ZNF536: variants seen among roughly 807,000 people sequenced by gnomAD.
The protein encoded by ZNF536 is zinc finger protein 536.
Under a neutral mutation model 84.5 loss-of-function variants are expected in ZNF536, and 13 were observed. That is an observed-to-expected ratio of 0.15 (90% CI 0.10 to 0.24). The LOEUF (loss-of-function observed/expected upper bound fraction) is 0.24. Ranked by LOEUF, ZNF536 falls within the 10% of genes least tolerant of loss-of-function variation. The pLI, the probability that ZNF536 is intolerant of heterozygous loss-of-function variation, is 1.00. For missense variants in ZNF536, 1,536 were observed against 1,747.5 expected (o/e 0.88, Z 2.16); for synonymous variants, 811 against 742.5 (o/e 1.09, Z -1.50).
At chr19:30,434,889 A>T (rs1433457179) in intron 1 of ZNF536, among the ~76,000 whole-genome samples, 1 of 138,336 alleles carries the variant, frequency 7.2e-6, no homozygotes, top group African/African-American at 2.8e-5. Flanking sequence ...GGTAGTGATG[A>T]TGCTGCTGAT....
chr19:30,611,650 G>C (rs1003004510), intron 1 of ZNF536, among the ~76,000 whole-genome samples: 1 of 152,034 alleles, frequency 6.6e-6, no homozygotes, highest in Non-Finnish European at 1.5e-5. Context: ...TTAGCTTTAG[G>C]GTTGGTGACA....
At chr19:30,461,700 C>T (rs1020837849) in intron 2 of ZNF536, among the ~76,000 whole-genome samples, 3 of 152,222 alleles carry the variant, frequency 2.0e-5, no homozygotes, top group South Asian at 2.1e-4. Context: ...TTGGGCTGCC[C>T]GGCTCTCCGC....
At chr19:30,286,504 CAGAG>C (rs927455289) in intron 2 of ZNF536, among the ~76,000 whole-genome samples, 4 of 146,690 alleles carry the variant, frequency 2.7e-5, no homozygotes, top group African/African-American at 1.0e-4. Flanking sequence ...GAGAGACAGA[CAGAG>C]AAAGAGAGAC....
intron 2 of ZNF536, among the ~76,000 whole-genome samples, chr19:30,303,385 G>A (rs1166253607): frequency 6.6e-6 from 1 of 152,246 alleles, no homozygotes; most frequent in Non-Finnish European, 1.5e-5. Context: ...GTGCAGGGCA[G>A]GGGCCTTGGC....
chr19:30,301,366 C>T (rs756990099), intron 2 of ZNF536, among the ~76,000 whole-genome samples: 9 of 152,170 alleles, frequency 5.9e-5, no homozygotes, highest in Non-Finnish European at 1.0e-4. Context: ...GGGGTAGCGG[C>T]GATGCGGACG....
Position 30,292,139 on chromosome 19 carries a change from C to A in ZNF536, c.-120+7998C>A, listed in dbSNP as rs532873283. Among the ~76,000 whole-genome samples, 3 of 152,210 alleles carry A rather than the reference C, an allele frequency of 2.0e-5. No individual in the cohort carries two copies. In the South Asian group the frequency reaches 6.2e-4, roughly 32 times the overall value. ...GTGTTATATGCTTTATCTGTTTAACCTCCTCTCTAATCCATTTTGCAGACA... is the reference window on the plus strand; with the variant it reads ...GTGTTATATGCTTTATCTGTTTAACATCCTCTCTAATCCATTTTGCAGACA... On this transcript the variant is annotated intron_variant, in intron 2 of 5. Transcript: ENST00000585628.
chr19:30,501,055 A>G (rs1234356065), intron 2 of ZNF536, among the ~76,000 whole-genome samples: 2 of 152,152 alleles, frequency 1.3e-5, no homozygotes, highest in Non-Finnish European at 2.9e-5. Flanking sequence ...CTGGGTACAG[A>G]GTCTCAAACC....
chr19:30,342,585 A>T (rs902470434), intron 2 of ZNF536, among the ~76,000 whole-genome samples: 1 of 152,364 alleles, frequency 6.6e-6, no homozygotes, highest in Admixed American at 6.5e-5. Flanking sequence ...TATGAAGCTA[A>T]CAGTAAAACC....
chr19:30,261,653 C>T (rs200607539), intron 1 of ZNF536, among the ~76,000 whole-genome samples: 3 of 142,724 alleles, frequency 2.1e-5, no homozygotes, highest in African/African-American at 5.2e-5. Flanking sequence ...GAGCTATGAT[C>T]GCACCACTGC....
At chr19:30,705,752 A>G (rs540909508) in intron 1 of ZNF536, among the ~76,000 whole-genome samples, 2 of 152,358 alleles carry the variant, frequency 1.3e-5, no homozygotes, top group South Asian at 2.1e-4. Flanking sequence ...CTAGCATTGT[A>G]TAGACTTCTT....
At chr19:30,471,661 C>G (rs984576060) in intron 2 of ZNF536, among the ~76,000 whole-genome samples, 2 of 152,190 alleles carry the variant, frequency 1.3e-5, no homozygotes, top group Non-Finnish European at 2.9e-5. Context: ...GTGGGCAAAA[C>G]AGTATCACGG....
chr19:30,278,077 A>T (rs552176291), intron 1 of ZNF536, among the ~76,000 whole-genome samples: 1 of 152,232 alleles, frequency 6.6e-6, no homozygotes, highest in African/African-American at 2.4e-5. Flanking sequence ...TATTATTCAG[A>T]TATGGCGTGG....
rs780329143 is a variant in ZNF536 at position 30,353,936 on chromosome 19, C to T, written c.-3+1452C>T. On this transcript the variant is annotated intron_variant, in intron 3 of 5. Coordinates refer to the ZNF536 transcript ENST00000585628. ...GGGAGAAGGGTAAGACTGGCTTCCT[C>T]CGGGGGCAGTGAGTACATCAGTTTG... Among the ~76,000 whole-genome samples the T allele has an allele frequency of 1.9e-4, 29 of 152,258 alleles. 1 individual carries two copies. Among genetic ancestry groups the T allele is most frequent in the African/African-American group, 7.0e-4 (29 of 41,550 alleles).
At chr19:30,606,620 G>T (rs1022829257) in intron 1 of ZNF536, among the ~76,000 whole-genome samples, 1 of 152,186 alleles carries the variant, frequency 6.6e-6, no homozygotes, top group African/African-American at 2.4e-5. Context: ...GGTGACCACA[G>T]TTCCATCATG....
At chr19:30,431,501 G>A (rs535637865) in intron 1 of ZNF536, among the ~76,000 whole-genome samples, 9 of 152,290 alleles carry the variant, frequency 5.9e-5, no homozygotes, top group African/African-American at 2.2e-4. Context: ...CCCTGTGGAC[G>A]AATCTCCCTG....
chr19:30,604,990 C>T (rs1219873838), intron 1 of ZNF536, among the ~76,000 whole-genome samples: 1 of 152,184 alleles, frequency 6.6e-6, no homozygotes, highest in Admixed American at 6.5e-5. Flanking sequence ...AAGCAGATCA[C>T]ACTGCTGGAA....
chr19:30,440,908 TAGATA>T (rs1313514943), intron 1 of ZNF536, among the ~76,000 whole-genome samples: 2 of 151,600 alleles, frequency 1.3e-5, no homozygotes, highest in African/African-American at 4.9e-5. Context: ...GATAGATAGA[TAGATA>T]GATAGATAGA....
intron 2 of ZNF536, among the ~76,000 whole-genome samples, chr19:30,452,080 A>C (rs2052632679): frequency 6.6e-6 from 1 of 152,174 alleles, no homozygotes; most frequent in African/African-American, 2.4e-5. Context: ...AGACAGCCAC[A>C]AGGTGTCCCT....
intron 3 of ZNF536, among the ~76,000 whole-genome samples, chr19:30,360,170 G>A (rs555472135): frequency 2.8e-4 from 43 of 152,330 alleles, no homozygotes; most frequent in South Asian, 6.2e-4. Flanking sequence ...AAAGTACCAC[G>A]CAGCGAGCTT....
Sources: gnomAD v4.1 joint callset for allele counts (sites outside exome capture counted in the v4.1 genomes callset) on GRCh38, gnomAD v4.1.1 for gene constraint, MANE v1.5 for transcripts, NCBI Gene and HGNC (gene_info 2026-07-23, HGNC 2026-07-21) for gene names.